SRGAP3: variants seen among roughly 807,000 people sequenced by gnomAD.
SRGAP3 encodes the protein SLIT-ROBO Rho GTPase-activating protein 3.
A neutral mutation model predicts 121.1 loss-of-function variants in SRGAP3; 39 were observed. That is an observed-to-expected ratio of 0.32 (90% confidence interval 0.25 to 0.42). The LOEUF is 0.42. Among genes scored for constraint, SRGAP3 ranks in the 10% least tolerant of loss-of-function variants. SRGAP3 has a pLI of 1.00. For missense variants in SRGAP3, 1,213 were observed against 1,470.6 expected, an observed-to-expected ratio of 0.82 and a Z score of 2.86; for synonymous variants, 601 against 570.0, an observed-to-expected ratio of 1.05 and a Z score of -0.77.
chr3:9,297,747 T>C (rs1321563443), intron 3 of SRGAP3, among the ~76,000 whole-genome samples: 1 of 151,884 alleles, frequency 6.6e-6, no homozygotes, highest in Non-Finnish European at 1.5e-5. Flanking sequence ...AATGCAAAAA[T>C]TAGCTGGGCA....
intron 3 of SRGAP3, among the ~76,000 whole-genome samples, chr3:9,273,489 C>T (rs547575783): frequency 1.3e-5 from 2 of 152,190 alleles, no homozygotes; most frequent in East Asian, 3.9e-4. Context: ...TTATATAAGC[C>T]AGATATTAAC....
At chr3:9,081,447 T>C (rs142687386) in intron 3 of SRGAP3, among the ~76,000 whole-genome samples, 10 of 152,152 alleles carry the variant, frequency 6.6e-5, no homozygotes, top group African/African-American at 2.4e-4. Context: ...ACCTCACCTA[T>C]CAAATAAAAA....
At chr3:9,302,807 A>C (rs773000154) in intron 3 of SRGAP3, among the ~76,000 whole-genome samples, 6 of 152,266 alleles carry the variant, frequency 3.9e-5, no homozygotes, top group Non-Finnish European at 7.4e-5. Context: ...CACTAGGAAC[A>C]GTCTCCCGGG....
At chr3:9,278,392 T>C (rs568271597) in intron 3 of SRGAP3, among the ~76,000 whole-genome samples, 17 of 152,216 alleles carry the variant, frequency 1.1e-4, no homozygotes, top group Non-Finnish European at 1.9e-4. Context: ...GAATATTAAG[T>C]CAACCTTGAA....
At chr3:9,354,097 T>C (rs888287320) in intron 1 of SRGAP3, among the ~76,000 whole-genome samples, 2 of 149,772 alleles carry the variant, frequency 1.3e-5, no homozygotes, top group African/African-American at 2.5e-5. Context: ...ACAAACTACA[T>C]TGGGTTGTAG....
At chr3:9,027,468 G>A (rs754591121) in intron 12 of SRGAP3, among the ~76,000 whole-genome samples, 6 of 152,282 alleles carry the variant, frequency 3.9e-5, no homozygotes, top group Middle Eastern at 3.4e-3. Flanking sequence ...GCTGGCCCCT[G>A]GTGGAAATTT....
intron 2 of SRGAP3, among the ~76,000 whole-genome samples, chr3:9,122,814 A>AT (rs1949065344): frequency 6.6e-6 from 1 of 152,188 alleles, no homozygotes; most frequent in Admixed American, 6.5e-5. Flanking sequence ...GAGAAGGCAC[A>AT]TAAGTGAGTG....
intron 1 of SRGAP3, among the ~76,000 whole-genome samples, chr3:9,225,108 C>A (rs905294124): frequency 6.6e-6 from 1 of 152,166 alleles, no homozygotes. Flanking sequence ...AGATTCAGTT[C>A]TCTGTCTCTC....
At position 9,053,162 on chromosome 3, in the gene SRGAP3, A is replaced by G. The variant is rs745640385; in HGVS notation, c.1188T>C (p.Phe396=). 3 of 1,614,202 alleles carry G rather than the reference A, an allele frequency of 1.9e-6. No individual in the cohort carries two copies. The highest frequency in any genetic ancestry group is 1.7e-6 in the Non-Finnish European group (2 of 1,180,036). ...TGTGTTGGAAGGCATCGGAGACATCAAAGTCCTCCACAGTCAGCATGTCCT... is the reference window on the plus strand; with the variant it reads ...TGTGTTGGAAGGCATCGGAGACATCGAAGTCCTCCACAGTCAGCATGTCCT... ...TLQDMLTVED[F]DVSDAFQHSR... Residue 396 remains phenylalanine, a synonymous_variant, in exon 9 of 22, where the codon TTT becomes TTC. Transcript: ENST00000383836.
At chr3:9,259,600 A>G (rs1954210521) in intron 3 of SRGAP3, among the ~76,000 whole-genome samples, 1 of 152,120 alleles carries the variant, frequency 6.6e-6, no homozygotes, top group Non-Finnish European at 1.5e-5. Context: ...GAGCCACTGC[A>G]CCCAGCTACA....
chr3:9,318,636 A>G (rs568115622), intron 3 of SRGAP3, among the ~76,000 whole-genome samples: 4 of 151,118 alleles, frequency 2.6e-5, no homozygotes, highest in Non-Finnish European at 5.9e-5. Context: ...GCACTTTGAG[A>G]GGCTGAGGCA....
chr3:9,280,607 G>A (rs1461098500), intron 3 of SRGAP3, among the ~76,000 whole-genome samples: 2 of 152,196 alleles, frequency 1.3e-5, no homozygotes, highest in Non-Finnish European at 2.9e-5. Context: ...CAGTAACGGT[G>A]GGTCCTCAGC....
At chr3:9,209,868 T>C (rs1467613420) in intron 1 of SRGAP3, among the ~76,000 whole-genome samples, 1 of 152,146 alleles carries the variant, frequency 6.6e-6, no homozygotes, top group Non-Finnish European at 1.5e-5. Flanking sequence ...TTATTCACAA[T>C]AGCCAAAAAC....
At chr3:9,164,767 T>C (rs1950724228) in intron 1 of SRGAP3, among the ~76,000 whole-genome samples, 1 of 152,228 alleles carries the variant, frequency 6.6e-6, no homozygotes, top group African/African-American at 2.4e-5. Flanking sequence ...CACTCAGTAC[T>C]TCAGATAGCC....
intron 3 of SRGAP3, among the ~76,000 whole-genome samples, chr3:9,091,185 T>G (rs1947740963): frequency 6.6e-6 from 1 of 152,168 alleles, no homozygotes; most frequent in African/African-American, 2.4e-5. Flanking sequence ...ACAGGTGGCC[T>G]TTGTTAACTC....
At chr3:9,279,140 T>C (rs1038834107) in intron 3 of SRGAP3, among the ~76,000 whole-genome samples, 2 of 152,102 alleles carry the variant, frequency 1.3e-5, no homozygotes, top group African/African-American at 2.4e-5. Context: ...TCCAATACCC[T>C]AAACAACCAC....
chr3:9,360,413 C>T (rs1446315035), intron 1 of SRGAP3, among the ~76,000 whole-genome samples: 1 of 152,194 alleles, frequency 6.6e-6, no homozygotes, highest in Non-Finnish European at 1.5e-5. Context: ...TAAGTCAAAC[C>T]ATCCTAAGTC....
Position 8,983,102 on chromosome 3 carries a change from A to G in SRGAP3, c.*2417T>C, listed in dbSNP as rs909237155. ...TAGGATCTGGGAGTATCTTGAGGGTAGAAATCAGAAGTCTTGTGTCCTGGC... is the reference window on the plus strand; with the variant it reads ...TAGGATCTGGGAGTATCTTGAGGGTGGAAATCAGAAGTCTTGTGTCCTGGC... On this transcript the variant is annotated 3_prime_UTR_variant, in exon 22 of 22. Coordinates refer to ENST00000383836, the MANE Select transcript of SRGAP3 (RefSeq NM_014850.4). 4.4e-6 allele frequency: 1 copy of G among 226,464 alleles called. No homozygotes were observed. The highest frequency in any genetic ancestry group is 8.8e-6 in the Non-Finnish European group (1 of 113,800). 14.0% of individuals were successfully genotyped at this position (226,464 alleles called of 1,614,324 possible).
At chr3:9,160,826 A>T (rs2125075779) in intron 1 of SRGAP3, among the ~76,000 whole-genome samples, 1 of 152,360 alleles carries the variant, frequency 6.6e-6, no homozygotes, top group East Asian at 1.9e-4. Context: ...GCTATGTACT[A>T]TTCCCCAAGT....
Sources: gnomAD v4.1 joint callset for allele counts (sites outside exome capture counted in the v4.1 genomes callset) on GRCh38, gnomAD v4.1.1 for gene constraint, MANE v1.5 for transcripts, NCBI Gene and HGNC (gene_info 2026-07-23, HGNC 2026-07-21) for gene names.